Variants in GCNT2 observed in about 807,000 individuals in gnomAD.
GCNT2 encodes the protein glucosaminyl (N-acetyl) transferase 2 (I blood group).
GCNT2 carries 34 observed loss-of-function variants against 34.2 expected under a neutral mutation model. That is an observed-to-expected ratio of 1.00 (90% CI 0.76 to 1.32). The LOEUF is 1.32. Among genes scored for constraint, GCNT2 ranks in the 40% most tolerant of loss-of-function variants. GCNT2 has a pLI of 0.00. For synonymous variants in GCNT2, 212 were observed against 188.0 expected (o/e 1.13, Z -1.04); for missense variants, 584 against 489.4 (o/e 1.19, Z -1.82).
rs560194 is a variant in GCNT2, at chr6:10,528,561, T to C, written c.-281-70T>C. On this transcript the variant is annotated intron_variant, in intron 2 of 4. Coordinates refer to ENST00000495262, the MANE Select transcript of GCNT2 (RefSeq NM_145649.5). ...GCAGAATGGTCACCTCACCCACTTG[T>C]AATTTCATGGTGGGAACAGGTGGAC... 194,135 of 350,408 alleles carry C rather than the reference T, an allele frequency of 0.55. 54,723 individuals are homozygous for C. Among genetic ancestry groups the C allele is most frequent in the South Asian group, 0.7 (24,954 of 35,900 alleles). The allele number at this position is 350,408 out of a possible 1,614,324, so 21.7% of individuals were successfully genotyped here.
In GCNT2 at chr6:10,626,763, G is replaced by A; in HGVS notation, c.*156G>A. 2 of 652,000 alleles carry A rather than the reference G, an allele frequency of 3.1e-6. No homozygotes were observed. The highest frequency in any genetic ancestry group is 3.5e-5 in the South Asian group (2 of 57,490). The allele number at this position is 652,000 out of a possible 1,614,324, so 40.4% of individuals were successfully genotyped here. On this transcript the variant is annotated 3_prime_UTR_variant, in exon 5 of 5. Transcript: ENST00000495262. ...GTAATTATACTTAAAATATCCACTG[G>A]ACACTGTGAAATACACTAACAGGAT... is the stretch of plus-strand genomic sequence containing the variant.
intron 3 of GCNT2, among the ~76,000 whole-genome samples, chr6:10,540,908 T>C (rs1762009232): frequency 6.6e-6 from 1 of 152,152 alleles, no homozygotes; most frequent in Non-Finnish European, 1.5e-5. Flanking sequence ...AAAACACTCT[T>C]GGGAGTGTGG....
chr6:10,552,230 T>C (rs1393094991), intron 3 of GCNT2, among the ~76,000 whole-genome samples: 1 of 152,086 alleles, frequency 6.6e-6, no homozygotes, highest in African/African-American at 2.4e-5. Context: ...GGGAGGATTG[T>C]TGTTTTAGTT....
At chr6:10,601,452 A>G (rs1188395822) in intron 3 of GCNT2, among the ~76,000 whole-genome samples, 5 of 152,134 alleles carry the variant, frequency 3.3e-5, no homozygotes, top group South Asian at 4.1e-4. Flanking sequence ...AATCAATCAG[A>G]TCATACAAGA....
chr6:10,573,489 T>A (rs965406191), intron 3 of GCNT2, among the ~76,000 whole-genome samples: 2 of 152,102 alleles, frequency 1.3e-5, no homozygotes, highest in East Asian at 3.9e-4. Context: ...GCAAGGTAAG[T>A]TGGGGTGGGG....
chr6:10,544,293 G>A (rs1249305164), intron 3 of GCNT2, among the ~76,000 whole-genome samples: 3 of 151,416 alleles, frequency 2.0e-5, no homozygotes, highest in South Asian at 4.2e-4. Flanking sequence ...CAGCCTGGGC[G>A]ACAGCAAGAC....
intron 3 of GCNT2, chr6:10,586,018 C>T (rs1483411985): frequency 6.2e-7 from 1 of 1,613,398 alleles, no homozygotes; most frequent in Non-Finnish European, 8.5e-7. Context: ...TGCTTTTTTG[C>T]TTTCACTCTG....
At chr6:10,522,029 A>G (rs143987345) in intron 1 of GCNT2, among the ~76,000 whole-genome samples, 2 of 151,918 alleles carry the variant, frequency 1.3e-5, no homozygotes, top group Non-Finnish European at 2.9e-5. Flanking sequence ...CTGGGACTAC[A>G]GGCATGCACA....
intron 3 of GCNT2, among the ~76,000 whole-genome samples, chr6:10,590,467 C>T (rs1188732001): frequency 6.6e-6 from 1 of 151,722 alleles, no homozygotes; most frequent in Admixed American, 6.6e-5. Context: ...GCCCCCCACA[C>T]CCTCTGTCTC....
chr6:10,535,265 T>A (rs991068272), intron 3 of GCNT2, among the ~76,000 whole-genome samples: 5 of 152,184 alleles, frequency 3.3e-5, no homozygotes, highest in African/African-American at 1.2e-4. Context: ...CTGCATGGCC[T>A]GCTCAGGTGA....
chr6:10,608,073 C>CTTTTTTTTT (rs576372819), intron 3 of GCNT2, among the ~76,000 whole-genome samples: 1 of 124,764 alleles, frequency 8.0e-6, no homozygotes. Flanking sequence ...ATGGTATGCA[C>CTTTTTTTTT]TTTTTTTTTT....
chr6:10,576,692 A>G (rs1763830354), intron 3 of GCNT2, among the ~76,000 whole-genome samples: 1 of 151,300 alleles, frequency 6.6e-6, no homozygotes. Context: ...TTGGGGAGAG[A>G]GAGAGACACA....
intron 3 of GCNT2, among the ~76,000 whole-genome samples, chr6:10,588,839 GGT>G (rs1399917722): frequency 4.2e-5 from 6 of 142,882 alleles, no homozygotes; most frequent in African/African-American, 1.3e-4. Flanking sequence ...GTATGTGTGT[GGT>G]GTGTGTGTGG....
intron 3 of GCNT2, chr6:10,557,201 T>C: frequency 1.9e-6 from 3 of 1,564,560 alleles, no homozygotes; most frequent in Non-Finnish European, 2.6e-6. Flanking sequence ...CACAATTTAC[T>C]TTGGCTCTGC....
intron 3 of GCNT2, among the ~76,000 whole-genome samples, chr6:10,610,749 T>C (rs1445646861): frequency 1.3e-5 from 2 of 152,170 alleles, no homozygotes; most frequent in Admixed American, 6.5e-5. Flanking sequence ...GAGTAAATTA[T>C]CTGGAAACAA....
intron 3 of GCNT2, among the ~76,000 whole-genome samples, chr6:10,585,507 G>GA: frequency 6.6e-6 from 1 of 152,270 alleles, no homozygotes; most frequent in East Asian, 1.9e-4. Flanking sequence ...GGGCTAGCCA[G>GA]AAAAAACAGA....
At chr6:10,617,069 C>G (rs1419531630) in intron 3 of GCNT2, among the ~76,000 whole-genome samples, 1 of 152,220 alleles carries the variant, frequency 6.6e-6, no homozygotes, top group Non-Finnish European at 1.5e-5. Flanking sequence ...CACTCCTTAG[C>G]CTTTGGGCGG....
intron 3 of GCNT2, among the ~76,000 whole-genome samples, chr6:10,590,557 C>T (rs967952045): frequency 7.6e-6 from 1 of 130,794 alleles, no homozygotes; most frequent in African/African-American, 2.6e-5. Flanking sequence ...CAATTTTCAC[C>T]TATTTTTTTT....
intron 3 of GCNT2, among the ~76,000 whole-genome samples, chr6:10,540,906 CTT>C (rs1221796653): frequency 6.6e-6 from 1 of 152,166 alleles, no homozygotes; most frequent in African/African-American, 2.4e-5. Flanking sequence ...AGAAAACACT[CTT>C]GGGAGTGTGG....
Sources: allele counts gnomAD v4.1 joint callset (sites outside exome capture counted in the v4.1 genomes callset), GRCh38; gene constraint gnomAD v4.1.1; transcripts MANE v1.5; gene names NCBI Gene and HGNC (gene_info 2026-07-23, HGNC 2026-07-21).